Variants in GRIK3 observed in about 807,000 individuals in gnomAD.
GRIK3 encodes the protein glutamate receptor ionotropic, kainate 3.
A neutral mutation model predicts 102.5 loss-of-function variants in GRIK3; 29 were observed. That is an observed-to-expected ratio of 0.28 (90% CI 0.21 to 0.39). GRIK3 has a LOEUF of 0.39. Among genes scored for constraint, GRIK3 ranks in the 10% least tolerant of loss-of-function variants. The pLI is 1.00. For missense variants in GRIK3, 908 were observed against 1,252.4 expected (o/e 0.73, Z 4.15); for synonymous variants, 511 against 504.9 (o/e 1.01, Z -0.16).
chr1:36,917,257 G>A (rs1367152849), intron 1 of GRIK3, among the ~76,000 whole-genome samples: 3 of 152,114 alleles, frequency 2.0e-5, no homozygotes, highest in East Asian at 1.9e-4. Context: ...CCATTTTATC[G>A]AGGAAGTAAC....
At chr1:36,996,174 C>T (rs751285142) in intron 1 of GRIK3, among the ~76,000 whole-genome samples, 13 of 152,200 alleles carry the variant, frequency 8.5e-5, no homozygotes, top group Non-Finnish European at 1.6e-4. Context: ...CAGGATCTTA[C>T]GGAAAAAGGC....
chr1:37,030,661 T>G (rs968175207), intron 1 of GRIK3, among the ~76,000 whole-genome samples: 2 of 151,450 alleles, frequency 1.3e-5, no homozygotes, highest in Non-Finnish European at 2.9e-5. Context: ...ACAGAAGAGC[T>G]GGCCAGGCTT....
At position 36,819,809 on chromosome 1, in the gene GRIK3, GC is replaced by G; in HGVS notation, c.1799del (p.Gly600AlafsTer22). 6.2e-7 allele frequency: 1 copy of G among 1,602,564 alleles called. No homozygotes were observed. Among genetic ancestry groups the G allele is most frequent in the Non-Finnish European group, 8.5e-7 (1 of 1,172,838 alleles). On this transcript the variant is annotated frameshift_variant, in exon 12 of 16. Transcript: ENST00000373091. LOFTEE classifies it high-confidence loss of function. This position sits in a 1 kb window ranked among gnomAD's most constrained non-coding sequence, Gnocchi z 4.1. Reference protein sequence around the residue: ...EWYDAHPCNPGSEVVENNFTL... With the variant: ...EWYDAHPCNPXSEVVENNFTL... The stretch of plus-strand genomic sequence containing the variant: ...TGAAGTTATTTTCCACCACCTCGGA[GC>G]CAGGGTTGCAGGGGTGAGCATCGTA...
At chr1:36,987,043 C>A (rs1642314128) in intron 1 of GRIK3, among the ~76,000 whole-genome samples, 1 of 152,184 alleles carries the variant, frequency 6.6e-6, no homozygotes, top group African/African-American at 2.4e-5. Flanking sequence ...GCAGCCCTGG[C>A]TGGCTGAGCA....
At position 36,801,881 on chromosome 1, in the gene GRIK3, G is replaced by A. The variant is rs774579728; in HGVS notation, c.2730C>T (p.Cys910=). 1.9e-6 allele frequency: 3 copies of A among 1,611,596 alleles called. No homozygotes were observed. Among genetic ancestry groups the A allele is most frequent in the Admixed American group, 3.3e-5 (2 of 59,906 alleles). ...GGAACACAGGGGCTAAGGATGTGCT[G>A]CAGGCCATGCTGTCCTTGCCGGGAA... The part of the protein sequence containing the change: ...RRLPGKDSMA[C]STSLAPVFP Residue 910 remains cysteine, a synonymous_variant, in exon 16 of 16, where the codon TGC becomes TGT. Coordinates refer to ENST00000373091, the MANE Select transcript of GRIK3 (RefSeq NM_000831.4).
At chr1:36,917,464 G>C (rs1393630057) in intron 1 of GRIK3, among the ~76,000 whole-genome samples, 1 of 152,200 alleles carries the variant, frequency 6.6e-6, no homozygotes, top group Non-Finnish European at 1.5e-5. Flanking sequence ...GTTTGGCTGT[G>C]TCCCCATCCA....
intron 10 of GRIK3, among the ~76,000 whole-genome samples, chr1:36,829,316 C>T (rs997206610): frequency 6.6e-6 from 1 of 152,096 alleles, no homozygotes; most frequent in Admixed American, 6.6e-5. Context: ...GAGGATGATT[C>T]ATAAAATCAT....
Position 36,841,838 on chromosome 1 carries a change from G to T in GRIK3, c.1428C>A (p.Ile476=). The change falls in exon 10 of 16, where the codon ATC becomes ATA. Residue 476 remains isoleucine, a synonymous_variant. Coordinates refer to ENST00000373091, the MANE Select transcript of GRIK3 (RefSeq NM_000831.4). ...GCCGGATCTCATAGGAGAAACCAAGGATGTGGGCCAGCTCCTTTAGCAGGT... is the reference window on the plus strand; with the variant it reads ...GCCGGATCTCATAGGAGAAACCAAGTATGTGGGCCAGCTCCTTTAGCAGGT... ...CIDLLKELAH[I]LGFSYEIRLV... is the part of the protein sequence containing the mutation. The T allele has an allele frequency of 6.2e-7, 1 of 1,614,148 alleles. No individual in the cohort carries two copies. The highest frequency in any genetic ancestry group is 1.1e-5 in the South Asian group (1 of 91,074).
chr1:37,028,454 C>T lies in GRIK3; in HGVS notation c.115+5540G>A, dbSNP rs531631991. On this transcript the variant is annotated intron_variant, in intron 1 of 15. Transcript: ENST00000373091. The stretch of plus-strand genomic sequence containing the variant: ...GGAAGGATGTGTATTGGTAGGAAGG[C>T]TGGGAAAGACCATCCACACCTGGGC... 3.3e-5 allele frequency among the ~76,000 whole-genome samples: 5 copies of T among 152,186 alleles called. No homozygotes were observed. In the South Asian group the frequency reaches 8.3e-4, roughly 25 times the overall value.
At chr1:37,021,776 A>T (rs1436264793) in intron 1 of GRIK3, among the ~76,000 whole-genome samples, 1 of 152,164 alleles carries the variant, frequency 6.6e-6, no homozygotes, top group Non-Finnish European at 1.5e-5. Flanking sequence ...GGGGAAGCTC[A>T]GGGCTCCATT....
intron 13 of GRIK3, among the ~76,000 whole-genome samples, chr1:36,814,947 C>T (rs986442955): frequency 1.4e-4 from 22 of 152,286 alleles, no homozygotes; most frequent in African/African-American, 5.3e-4. Context: ...AGACACGTGT[C>T]CAAGCACAAA....
rs970776876 is a variant in GRIK3 at position 36,853,251 on chromosome 1, A to G, written c.1212+364T>C. Reference sequence around the variant, plus strand: ...TTTTTATATTCTTAAATTTTTACCCAAGAACATGTCTGTCCTTCTGCTCCA... The same window carrying G: ...TTTTTATATTCTTAAATTTTTACCCGAGAACATGTCTGTCCTTCTGCTCCA... On this transcript the variant is annotated intron_variant, in intron 8 of 15. Coordinates refer to ENST00000373091, the MANE Select transcript of GRIK3 (RefSeq NM_000831.4). Among the ~76,000 whole-genome samples the G allele has an allele frequency of 5.3e-5, 8 of 152,330 alleles. No individual in the cohort carries two copies. In the South Asian group the frequency reaches 1.7e-3, roughly 32 times the overall value.
chr1:36,986,287 C>T lies in GRIK3; in HGVS notation c.115+47707G>A, dbSNP rs1642302911. On this transcript the variant is annotated intron_variant, in intron 1 of 15. Coordinates refer to ENST00000373091, the MANE Select transcript of GRIK3 (RefSeq NM_000831.4). The stretch of plus-strand genomic sequence containing the variant: ...CATCCAACCAATGCATCCATCCACC[C>T]ACTCACCCCACCAGTCCACCCATAC... Among the ~76,000 whole-genome samples, 5 of 152,144 alleles carry T rather than the reference C, an allele frequency of 3.3e-5. No homozygotes were observed. The South Asian group carries it at 1.0e-3, about 32-fold the overall frequency.
At chr1:36,833,449 C>T (rs1014564107) in intron 10 of GRIK3, among the ~76,000 whole-genome samples, 14 of 152,206 alleles carry the variant, frequency 9.2e-5, no homozygotes, top group Admixed American at 6.5e-5. Flanking sequence ...CCAGTCACTG[C>T]CCTGGGCAAC....
At chr1:36,945,558 C>T (rs1641774481) in intron 1 of GRIK3, among the ~76,000 whole-genome samples, 1 of 152,134 alleles carries the variant, frequency 6.6e-6, no homozygotes, top group Admixed American at 6.5e-5. Context: ...GGAAAGACAC[C>T]GGAGATGTAC....
intron 1 of GRIK3, among the ~76,000 whole-genome samples, chr1:36,994,133 G>A (rs1642390844): frequency 6.6e-6 from 1 of 152,204 alleles, no homozygotes; most frequent in African/African-American, 2.4e-5. Context: ...TTCCACGCAT[G>A]GTCCAGCTGT....
chr1:36,975,292 T>G (rs556888755), intron 1 of GRIK3, among the ~76,000 whole-genome samples: 1,490 of 144,662 alleles, frequency 0.01, 22 homozygotes, highest in Middle Eastern at 0.027. Context: ...AAGTTGGTTT[T>G]TTTTTTTTTT....
At chr1:36,804,271 C>A (rs1314737060) in intron 15 of GRIK3, among the ~76,000 whole-genome samples, 2 of 152,232 alleles carry the variant, frequency 1.3e-5, no homozygotes, top group Non-Finnish European at 2.9e-5. Context: ...CCCAGCCCAG[C>A]GGCCCTCATC....
At chr1:36,877,767 C>T (rs1640926329) in intron 3 of GRIK3, among the ~76,000 whole-genome samples, 1 of 152,162 alleles carries the variant, frequency 6.6e-6, no homozygotes, top group African/African-American at 2.4e-5. Context: ...CTATCCTCTC[C>T]TCATTCACCT....
Sources: allele counts gnomAD v4.1 joint callset (sites outside exome capture counted in the v4.1 genomes callset), GRCh38; gene constraint gnomAD v4.1.1; non-coding constraint Gnocchi (gnomAD v3.1); transcripts MANE v1.5; gene names NCBI Gene and HGNC (gene_info 2026-07-23, HGNC 2026-07-21).